The following TXNDC12 variants were observed in gnomAD, a reference collection of about 807,000 sequenced individuals.
TXNDC12 encodes the protein thioredoxin domain containing 12, also known as thioredoxin domain-containing protein 12.
TXNDC12 carries 22 observed loss-of-function variants against 24.2 expected under a neutral mutation model. The ratio of observed to expected loss-of-function variants is 0.91; its 90% CI spans 0.65 to 1.30. The LOEUF is 1.30. Among genes scored for constraint, TXNDC12 ranks in the 50% most tolerant of loss-of-function variants. TXNDC12 has a pLI of 0.00. For missense variants in TXNDC12, 184 were observed against 205.8 expected (o/e 0.89, Z 0.65); for synonymous variants, 58 against 73.4 (o/e 0.79, Z 1.07).
intron 2 of TXNDC12, among the ~76,000 whole-genome samples, chr1:52,038,315 G>GTT (rs34437108): frequency 2.4e-4 from 34 of 141,544 alleles, no homozygotes; most frequent in African/African-American, 3.3e-4. Context: ...CCTGTATCTT[G>GTT]TTTTTTTTTT....
chr1:52,024,260 G>A (rs2809921), intron 5 of TXNDC12, among the ~76,000 whole-genome samples: 5,564 of 152,250 alleles, frequency 0.037, 131 homozygotes, highest in African/African-American at 0.043. Context: ...CCAAAGTGCT[G>A]AGACTACAGG....
intron 1 of TXNDC12, among the ~76,000 whole-genome samples, chr1:52,052,194 C>T (rs956214571): frequency 6.6e-6 from 1 of 152,152 alleles, no homozygotes; most frequent in Non-Finnish European, 1.5e-5. Context: ...GGTATCTTAC[C>T]AGACTGCAAG....
chr1:52,020,565 C>T lies in TXNDC12; in HGVS notation c.*368G>A, dbSNP rs41312724. On this transcript the variant is annotated 3_prime_UTR_variant, in exon 7 of 7. Coordinates refer to ENST00000371626, the MANE Select transcript of TXNDC12 (RefSeq NM_015913.4). ...GTTGTAGAAAAGATGCTACTAGTCT[C>T]CTTTCACCACTAAGGTGAGTAAAGT... 3.6e-6 allele frequency: 1 copy of T among 280,554 alleles called. No individual in the cohort carries two copies. Among genetic ancestry groups the T allele is most frequent in the African/African-American group, 2.2e-5 (1 of 45,920 alleles). 17.4% of individuals were successfully genotyped at this position (280,554 alleles called of 1,614,324 possible). A position where few individuals can be genotyped will look rare whatever the true frequency, so the allele number is the denominator to read the frequency against.
chr1:52,022,171 A>T (rs1685607559), intron 6 of TXNDC12, among the ~76,000 whole-genome samples: 1 of 152,210 alleles, frequency 6.6e-6, no homozygotes, highest in Non-Finnish European at 1.5e-5. Flanking sequence ...GTCTGAGAAT[A>T]AGAGTATCAA....
chr1:52,033,083 G>A (rs1249128055), intron 2 of TXNDC12: 2 of 1,608,502 alleles, frequency 1.2e-6, no homozygotes, highest in Non-Finnish European at 1.7e-6. Flanking sequence ...AATAAAGGCC[G>A]GTCCCAGCGA....
chr1:52,047,005 T>A (rs959555399), intron 1 of TXNDC12, among the ~76,000 whole-genome samples: 2 of 151,722 alleles, frequency 1.3e-5, no homozygotes, highest in Non-Finnish European at 2.9e-5. Context: ...ATCATGCCAC[T>A]GCACTCCAGC....
chr1:52,032,889 G>A lies in TXNDC12; in HGVS notation c.159-4259C>T, dbSNP rs139211822. 62 of 1,613,300 alleles carry A rather than the reference G, an allele frequency of 3.8e-5. No homozygotes were observed. The African/African-American group carries it at 7.6e-4, about 20-fold the overall frequency. ...GCGTGAGCAAGTCCCCGGGGACAGC[G>A]CTCTTCTGCGCTTCCATCAATCCGG... On this transcript the variant is annotated intron_variant, in intron 2 of 6. Transcript: ENST00000371626.
At chr1:52,031,020 A>T (rs1476654055) in intron 2 of TXNDC12, among the ~76,000 whole-genome samples, 2 of 152,162 alleles carry the variant, frequency 1.3e-5, no homozygotes, top group African/African-American at 4.8e-5. Context: ...TTTATTCTAC[A>T]GTGATGGTTC....
intron 1 of TXNDC12, among the ~76,000 whole-genome samples, chr1:52,047,815 G>A (rs1276834985): frequency 6.6e-6 from 1 of 152,122 alleles, no homozygotes; most frequent in African/African-American, 2.4e-5. Flanking sequence ...AGTGAAGAGT[G>A]GGTGATTGAA....
In TXNDC12 at chr1:52,055,004, T is replaced by TC. The variant is rs1292150620; in HGVS notation, c.92dup (p.Gly35TrpfsTer29). The TC allele has an allele frequency of 1.9e-6, 3 of 1,613,050 alleles. No homozygotes were observed. The African/African-American group carries it at 4.0e-5, about 22-fold the overall frequency. ...AAGATAAGAACGCGGTCTGACCCTT[T>TC]CCAAGCCCATTATGTCCATCAGAAG... is the stretch of plus-strand genomic sequence containing the variant. On this transcript the variant is annotated frameshift_variant, in exon 1 of 7. Coordinates refer to ENST00000371626, the MANE Select transcript of TXNDC12 (RefSeq NM_015913.4). LOFTEE classifies it high-confidence loss of function.
intron 1 of TXNDC12, among the ~76,000 whole-genome samples, chr1:52,051,229 G>A (rs1686194266): frequency 6.6e-6 from 1 of 152,160 alleles, no homozygotes; most frequent in Non-Finnish European, 1.5e-5. Context: ...GGAGAACAAT[G>A]TAATTATTTT....
chr1:52,050,316 T>C (rs952401292), intron 1 of TXNDC12, among the ~76,000 whole-genome samples: 5 of 152,208 alleles, frequency 3.3e-5, no homozygotes, highest in Admixed American at 6.6e-5. Flanking sequence ...TGTGCCAACA[T>C]GGAACATCTG....
At chr1:52,048,338 T>G (rs751304365) in intron 1 of TXNDC12, among the ~76,000 whole-genome samples, 10 of 152,026 alleles carry the variant, frequency 6.6e-5, no homozygotes, top group Non-Finnish European at 1.5e-4. Context: ...CAGTGGCATG[T>G]GCCTATAGTC....
At chr1:52,041,224 T>A (rs1317625795) in intron 2 of TXNDC12, among the ~76,000 whole-genome samples, 1 of 150,250 alleles carries the variant, frequency 6.7e-6, no homozygotes, top group Non-Finnish European at 1.5e-5. Context: ...TCCCAGCTAC[T>A]CGGGAGGCTG....
At chr1:52,049,158 G>A (rs1686153263) in intron 1 of TXNDC12, among the ~76,000 whole-genome samples, 1 of 152,014 alleles carries the variant, frequency 6.6e-6, no homozygotes, top group Non-Finnish European at 1.5e-5. Context: ...TTTTACTGAG[G>A]CCTAGAAAAG....
In TXNDC12 at chr1:52,053,329, A is replaced by G. The variant is rs191187110; in HGVS notation, c.97+1671T>C. 5.6e-4 allele frequency among the ~76,000 whole-genome samples: 85 copies of G among 151,940 alleles called. 1 individual carries two copies. In the East Asian group the frequency reaches 0.013, roughly 24 times the overall value. On this transcript the variant is annotated intron_variant, in intron 1 of 6. Coordinates refer to ENST00000371626, the MANE Select transcript of TXNDC12 (RefSeq NM_015913.4). ...ACTCAGATCTAAACCCACGTACCCAACACTCTACTCTTCTGTTACTCTCAG... is the reference window on the plus strand; with the variant it reads ...ACTCAGATCTAAACCCACGTACCCAGCACTCTACTCTTCTGTTACTCTCAG...
intron 2 of TXNDC12, among the ~76,000 whole-genome samples, chr1:52,031,100 GTTTCCAA>G (rs1685745781): frequency 6.6e-6 from 1 of 151,004 alleles, no homozygotes; most frequent in South Asian, 2.1e-4. Context: ...TCTTCACCAG[GTTTCCAA>G]AGCATTTTGT....
chr1:52,047,330 C>T (rs898596508), intron 1 of TXNDC12, among the ~76,000 whole-genome samples: 3 of 152,084 alleles, frequency 2.0e-5, no homozygotes, highest in Non-Finnish European at 4.4e-5. Flanking sequence ...CTTCTGTCTT[C>T]TGGTAAAGAG....
chr1:52,049,267 T>C (rs1686154970), intron 1 of TXNDC12, among the ~76,000 whole-genome samples: 1 of 152,140 alleles, frequency 6.6e-6, no homozygotes, highest in Non-Finnish European at 1.5e-5. Context: ...CCCAAGCTGT[T>C]CTGCTGCAAT....
Sources: allele counts gnomAD v4.1 joint callset (sites outside exome capture counted in the v4.1 genomes callset), GRCh38; gene constraint gnomAD v4.1.1; transcripts MANE v1.5; gene names NCBI Gene and HGNC (gene_info 2026-07-23, HGNC 2026-07-21).